The following RBPJ variants were observed in gnomAD, a reference collection of about 807,000 sequenced individuals.
RBPJ encodes the protein recombination signal binding protein for immunoglobulin kappa J region.
Under a neutral mutation model 67.8 loss-of-function variants are expected in RBPJ, and 9 were observed. The ratio of observed to expected loss-of-function variants is 0.13; its 90% CI spans 0.08 to 0.23. The LOEUF is 0.23. Ranked by LOEUF, RBPJ falls within the 10% of genes least tolerant of loss-of-function variation. RBPJ has a pLI of 1.00. For synonymous variants in RBPJ, 198 were observed against 203.3 expected (o/e 0.97, Z 0.22); for missense variants, 305 against 595.6 (o/e 0.51, Z 5.08).
At chr4:26,427,915 C>T (rs1363010639) in intron 7 of RBPJ, among the ~76,000 whole-genome samples, 1 of 152,140 alleles carries the variant, frequency 6.6e-6, no homozygotes, top group East Asian at 1.9e-4. Flanking sequence ...ATCTACTTAG[C>T]CATTACCTTC....
rs1733402820 is a variant in RBPJ, at chr4:26,406,290, G to T, written c.155+20G>T. ...AAAAAGGTAAGATTATTTTTCTGGT[G>T]GATAGTTAATTGTAGTTACCACATG... On this transcript the variant is annotated intron_variant, in intron 3 of 10. Transcript: ENST00000355476. 6.7e-7 allele frequency: 1 copy of T among 1,493,944 alleles called. No homozygotes were observed. The highest frequency in any genetic ancestry group is 9.3e-7 in the Non-Finnish European group (1 of 1,073,078). 92.5% of individuals were successfully genotyped at this position (1,493,944 alleles called of 1,614,324 possible).
intron 2 of RBPJ, among the ~76,000 whole-genome samples, chr4:26,395,487 C>T (rs1176997033): frequency 6.6e-6 from 1 of 152,088 alleles, no homozygotes; most frequent in African/African-American, 2.4e-5. Context: ...TATCTATTGT[C>T]CACGTTAACA....
At chr4:26,407,366 C>T (rs2109749150) in intron 3 of RBPJ, among the ~76,000 whole-genome samples, 1 of 152,330 alleles carries the variant, frequency 6.6e-6, no homozygotes, top group South Asian at 2.1e-4. Flanking sequence ...TTCATACTCT[C>T]ATACTACTTG....
chr4:26,259,497 G>C lies in RBPJ; in HGVS notation c.-167+95883G>C, dbSNP rs150107250. 1.9e-3 allele frequency among the ~76,000 whole-genome samples: 283 copies of C among 152,300 alleles called. 5 individuals carry two copies. Among genetic ancestry groups the C allele is most frequent in the African/African-American group, 6.3e-3 (260 of 41,566 alleles). On this transcript the variant is annotated intron_variant, in intron 1 of 4. Transcript: ENST00000512351. ...TTGCTTTGATTGTGCTTTGTCTTCA[G>C]GATTGTACTGGGAAAGCCATGTTTC...
chr4:26,182,314 C>T lies in RBPJ; in HGVS notation c.-167+18700C>T, dbSNP rs917633470. Reference sequence around the variant, plus strand: ...CCGAGATCGCGCCACTGCACTCCAGCCTGGGCAAAAGAGCAAGACTCCGTC... The same window carrying T: ...CCGAGATCGCGCCACTGCACTCCAGTCTGGGCAAAAGAGCAAGACTCCGTC... On this transcript the variant is annotated intron_variant, in intron 1 of 4. Transcript: ENST00000512351. Among the ~76,000 whole-genome samples, 3 of 151,952 alleles carry T rather than the reference C, an allele frequency of 2.0e-5. No individual in the cohort carries two copies. The East Asian group carries it at 5.8e-4, about 30-fold the overall frequency.
At chr4:26,185,769 C>T (rs1018760063) in intron 1 of RBPJ, among the ~76,000 whole-genome samples, 4 of 152,232 alleles carry the variant, frequency 2.6e-5, no homozygotes, top group Non-Finnish European at 4.4e-5. Flanking sequence ...GATATAGAAA[C>T]AGGACTGGGG....
intron 1 of RBPJ, among the ~76,000 whole-genome samples, chr4:26,272,151 C>G (rs757862693): frequency 4.6e-5 from 7 of 152,152 alleles, no homozygotes; most frequent in Non-Finnish European, 1.0e-4. Flanking sequence ...AAATTTCACA[C>G]CTTTGACAGA....
upstream of RBPJ, chr4:26,319,964 T>C (rs1486834649): frequency 1.5e-6 from 2 of 1,327,140 alleles, no homozygotes; most frequent in African/African-American, 1.5e-5. Flanking sequence ...GCCCGGGGGC[T>C]TCCGGGATCA....
chr4:26,250,518 C>T (rs183293071), intron 1 of RBPJ, among the ~76,000 whole-genome samples: 65 of 151,802 alleles, frequency 4.3e-4, no homozygotes, highest in African/African-American at 1.4e-3. Context: ...TTTTAGTAGA[C>T]CATGGGGTTT....
At chr4:26,284,563 G>T (rs539351475) in intron 1 of RBPJ, among the ~76,000 whole-genome samples, 41 of 152,100 alleles carry the variant, frequency 2.7e-4, no homozygotes, top group Admixed American at 1.1e-3. Context: ...CCACCTCCTG[G>T]ATTCAAGCGA....
At chr4:26,270,383 AAGAAAG>A (rs1427995273) in intron 1 of RBPJ, among the ~76,000 whole-genome samples, 2 of 50,444 alleles carry the variant, frequency 4.0e-5, no homozygotes, top group African/African-American at 1.2e-4. Context: ...GAAAGAAAGA[AAGAAAG>A]AAAGAAAGAA....
rs80220152 is a variant in RBPJ, at chr4:26,278,991, C to A, written c.-166-83455C>A. ...TGGTTGTGCTCCTGTATGATCTTAGCTTTCTCTGCACAATTTCCTCCTTTC... is the reference window on the plus strand; with the variant it reads ...TGGTTGTGCTCCTGTATGATCTTAGATTTCTCTGCACAATTTCCTCCTTTC... On this transcript the variant is annotated intron_variant, in intron 1 of 4. Coordinates refer to the RBPJ transcript ENST00000512351. Among the ~76,000 whole-genome samples, 26 of 152,256 alleles carry A rather than the reference C, an allele frequency of 1.7e-4. 1 individual carries two copies. In the East Asian group the frequency reaches 5.0e-3, roughly 29 times the overall value.
rs897964346 is a variant in RBPJ, at chr4:26,431,184, TAAAAAA to T, written c.*199_*204del. On this transcript the variant is annotated 3_prime_UTR_variant, in exon 11 of 11. Coordinates refer to ENST00000355476, the MANE Select transcript of RBPJ (RefSeq NM_015874.6). ...CTGATTTGAAATGCAGAAGCCACAGTAAAAAAAAAAAAAAAAAAAAAAAAAAAGAAA... is the reference window on the plus strand; with the variant it reads ...CTGATTTGAAATGCAGAAGCCACAGTAAAAAAAAAAAAAAAAAAAAAGAAA... 4 of 40,796 alleles carry T rather than the reference TAAAAAA, an allele frequency of 9.8e-5. No individual in the cohort carries two copies. Among genetic ancestry groups the T allele is most frequent in the African/African-American group, 1.1e-4 (1 of 8,886 alleles). 2.5% of individuals were successfully genotyped at this position (40,796 alleles called of 1,614,324 possible).
chr4:26,282,134 C>CTTTTTTTT (rs758435674), intron 1 of RBPJ, among the ~76,000 whole-genome samples: 2 of 126,608 alleles, frequency 1.6e-5, no homozygotes, highest in African/African-American at 3.2e-5. Flanking sequence ...CTCTCTCTCT[C>CTTTTTTTT]TCTTTTTTTT....
At chr4:26,320,162 G>C (rs3796802), upstream of RBPJ, among the ~76,000 whole-genome samples, 101,589 of 152,114 alleles carry the variant, frequency 0.67, 34,239 homozygotes, top group African/African-American at 0.75. Context: ...GGTCCTCTGG[G>C]CAGACTCGGA....
intron 1 of RBPJ, among the ~76,000 whole-genome samples, chr4:26,239,974 C>T (rs1274962955): frequency 6.6e-6 from 1 of 152,070 alleles, no homozygotes; most frequent in African/African-American, 2.4e-5. Flanking sequence ...AAAATAAGAT[C>T]CTGTTAGCAG....
chr4:26,360,595 C>CT (rs11393982), intron 1 of RBPJ, among the ~76,000 whole-genome samples: 117,073 of 133,716 alleles, frequency 0.88, 51,517 homozygotes, highest in Middle Eastern at 0.96. Flanking sequence ...TTCATAGGTG[C>CT]TTTTTTTTTT....
At chr4:26,179,558 T>G (rs753784534) in intron 1 of RBPJ, among the ~76,000 whole-genome samples, 3 of 151,856 alleles carry the variant, frequency 2.0e-5, no homozygotes, top group Non-Finnish European at 4.4e-5. Context: ...AACAAACATA[T>G]GAAAAAATGC....
chr4:26,263,799 T>G (rs1400986261), intron 1 of RBPJ, among the ~76,000 whole-genome samples: 1 of 152,070 alleles, frequency 6.6e-6, no homozygotes, highest in Non-Finnish European at 1.5e-5. Flanking sequence ...CTCGAACTCC[T>G]GACCTCGTGA....
Sources: gnomAD v4.1 joint callset for allele counts (sites outside exome capture counted in the v4.1 genomes callset) on GRCh38, gnomAD v4.1.1 for gene constraint, MANE v1.5 for transcripts, NCBI Gene and HGNC (gene_info 2026-07-23, HGNC 2026-07-21) for gene names.